SND1: variants seen among roughly 807,000 people sequenced by gnomAD.
SND1 encodes the protein staphylococcal nuclease domain-containing protein 1.
In SND1, 38 loss-of-function variants were observed where a neutral mutation model predicts 121.7. The ratio of observed to expected loss-of-function variants is 0.31; its 90% confidence interval spans 0.24 to 0.41. The LOEUF (loss-of-function observed/expected upper bound fraction) is 0.41. Ranked by LOEUF, SND1 falls within the 10% of genes least tolerant of loss-of-function variation. The pLI is 1.00. For synonymous variants in SND1, 401 were observed against 447.4 expected (o/e 0.90, Z 1.31); for missense variants, 868 against 1,184.6 (o/e 0.73, Z 3.92).
chr7:127,865,546 C>A (rs1799454404), intron 12 of SND1, among the ~76,000 whole-genome samples: 1 of 152,078 alleles, frequency 6.6e-6, no homozygotes, highest in African/African-American at 2.4e-5. Flanking sequence ...TTAATTAAGT[C>A]CTTTGGCTTC....
intron 10 of SND1, among the ~76,000 whole-genome samples, chr7:127,755,750 G>A (rs1241628603): frequency 2.6e-5 from 4 of 152,320 alleles, no homozygotes; most frequent in Admixed American, 2.0e-4. Context: ...GCTCCCTGTA[G>A]GATAATGAAT....
chr7:127,700,252 T>G (rs1423156857), intron 4 of SND1, among the ~76,000 whole-genome samples: 1 of 152,206 alleles, frequency 6.6e-6, no homozygotes, highest in Non-Finnish European at 1.5e-5. Flanking sequence ...TTCCCAGTTT[T>G]GTGTTTGGTT....
At chr7:127,848,101 T>C (rs1799099338) in intron 12 of SND1, among the ~76,000 whole-genome samples, 1 of 152,178 alleles carries the variant, frequency 6.6e-6, no homozygotes, top group South Asian at 2.1e-4. Flanking sequence ...GTTCTGAGTG[T>C]TATAGGAAGT....
At chr7:127,672,660 C>T (rs180767499) in intron 1 of SND1, among the ~76,000 whole-genome samples, 4 of 152,162 alleles carry the variant, frequency 2.6e-5, no homozygotes, top group East Asian at 1.9e-4. Flanking sequence ...ACAATACTGC[C>T]ATCCAACCGG....
At chr7:127,827,169 T>C (rs1798658085) in intron 11 of SND1, among the ~76,000 whole-genome samples, 1 of 152,236 alleles carries the variant, frequency 6.6e-6, no homozygotes, top group Admixed American at 6.5e-5. Context: ...ATCTGTTTTC[T>C]CTTACAGTGT....
At chr7:127,887,154 C>T (rs1282175460) in intron 12 of SND1, among the ~76,000 whole-genome samples, 1 of 151,950 alleles carries the variant, frequency 6.6e-6, no homozygotes, top group African/African-American at 2.4e-5. Context: ...CCACCACACT[C>T]GGCTAATTTT....
At chr7:127,703,360 AG>A (rs752130255) in intron 7 of SND1, 37 bp downstream of exon 7, 9 of 1,607,586 alleles carry the variant, frequency 5.6e-6, no homozygotes, top group Non-Finnish European at 6.8e-6. Flanking sequence ...GTGATGGGCT[AG>A]GGATGCATTT....
chr7:128,084,949 G>T (rs1447353332), intron 19 of SND1, 102 bp downstream of exon 19: 2 of 1,216,270 alleles, frequency 1.6e-6, no homozygotes, highest in South Asian at 1.6e-5. Flanking sequence ...TCCCCAGCTG[G>T]TTAATGATGG....
chr7:127,918,055 C>T (rs376901900), intron 14 of SND1, among the ~76,000 whole-genome samples: 6 of 142,414 alleles, frequency 4.2e-5, no homozygotes, highest in East Asian at 2.0e-4. Context: ...TAGATTTTTT[C>T]TTTTTTTTTT....
intron 16 of SND1, among the ~76,000 whole-genome samples, chr7:128,016,051 T>A (rs981085498): frequency 6.6e-6 from 1 of 152,162 alleles, no homozygotes; most frequent in East Asian, 1.9e-4. Context: ...CCCTGATGTC[T>A]AGATTGCTAT....
chr7:128,087,608 T>G (rs1030869625), intron 21 of SND1, among the ~76,000 whole-genome samples: 1 of 149,898 alleles, frequency 6.7e-6, no homozygotes, highest in Non-Finnish European at 1.5e-5. Context: ...CCAAGAAGAA[T>G]GAGAAGGAGC....
chr7:128,026,880 GCT>G (rs1330421516), intron 16 of SND1, among the ~76,000 whole-genome samples: 1 of 152,172 alleles, frequency 6.6e-6, no homozygotes, highest in Non-Finnish European at 1.5e-5. Flanking sequence ...GAATCGGGGT[GCT>G]TTTATTTAAG....
intron 16 of SND1, among the ~76,000 whole-genome samples, chr7:128,041,046 A>G (rs1022028762): frequency 6.6e-6 from 1 of 152,176 alleles, no homozygotes; most frequent in Non-Finnish European, 1.5e-5. Context: ...GGGACCCATG[A>G]TGGAAATGTG....
At chr7:127,929,578 C>CAGCCCTTATAGAGCTAG (rs1554444217) in intron 15 of SND1, among the ~76,000 whole-genome samples, 1 of 152,204 alleles carries the variant, frequency 6.6e-6, no homozygotes, top group East Asian at 1.9e-4. Flanking sequence ...TGCAAGCACG[C>CAGCCCTTATAGAGCTAG]AGCCCTTATA....
intron 10 of SND1, among the ~76,000 whole-genome samples, chr7:127,785,117 C>T (rs1294180977): frequency 6.6e-6 from 1 of 152,146 alleles, no homozygotes; most frequent in East Asian, 1.9e-4. Context: ...CTATGCTGCT[C>T]AGGCTGGTTG....
chr7:127,920,580 A>G (rs1800681440), intron 14 of SND1, among the ~76,000 whole-genome samples: 1 of 152,272 alleles, frequency 6.6e-6, no homozygotes, highest in African/African-American at 2.4e-5. Context: ...TGAGGTAGGG[A>G]GGCAGATTTA....
At chr7:127,899,804 A>G (rs1183492193) in intron 13 of SND1, among the ~76,000 whole-genome samples, 2 of 152,170 alleles carry the variant, frequency 1.3e-5, no homozygotes, top group Non-Finnish European at 2.9e-5. Context: ...TAAATTGGTG[A>G]GGGCCTAGAC....
rs115256282 is a variant in SND1 at position 127,808,602 on chromosome 7, A to G, written c.1242+1029A>G. Among the ~76,000 whole-genome samples the G allele has an allele frequency of 3.7e-3, 560 of 152,340 alleles. 6 individuals are homozygous for G. Among genetic ancestry groups the G allele is most frequent in the African/African-American group, 0.013 (544 of 41,574 alleles). ...AGTAAGAGATTTTGAAGTTGGACAT[A>G]AGGTAAAATTGCTAATTTTGAGGAA... On this transcript the variant is annotated intron_variant, in intron 11 of 23. Coordinates refer to ENST00000354725, the MANE Select transcript of SND1 (RefSeq NM_014390.4).
Position 127,916,930 on chromosome 7 carries a change from A to G in SND1, c.1527+12111A>G, listed in dbSNP as rs531771436. ...TTTCGTAACAATAGGAAATGCATAC[A>G]TGTACATAATGATGGCGTCTATGTA... On this transcript the variant is annotated intron_variant, in intron 14 of 23. Transcript: ENST00000354725. 1.6e-4 allele frequency among the ~76,000 whole-genome samples: 24 copies of G among 152,332 alleles called. 1 individual carries two copies. In the South Asian group the frequency reaches 4.1e-3, roughly 26 times the overall value.
Sources: gnomAD v4.1 joint callset for allele counts (sites outside exome capture counted in the v4.1 genomes callset) on GRCh38, gnomAD v4.1.1 for gene constraint, MANE v1.5 for transcripts, NCBI Gene and HGNC (gene_info 2026-07-23, HGNC 2026-07-21) for gene names.